Variants in CRADD observed in about 807,000 individuals in gnomAD.
The protein encoded by CRADD is CARD and death domain containing adaptor protein.
CRADD carries 9 observed loss-of-function variants against 15.5 expected under a neutral mutation model. That is an observed-to-expected ratio of 0.58 (90% confidence interval 0.35 to 1.01). The LOEUF is 1.01. Among genes scored for constraint, CRADD ranks in the 50% least tolerant of loss-of-function variants. The pLI, the probability that CRADD is intolerant of heterozygous loss-of-function variation, is 0.02. For synonymous variants in CRADD, 118 were observed against 107.6 expected (o/e 1.10, Z -0.60); for missense variants, 227 against 250.3 (o/e 0.91, Z 0.63).
At chr12:93,796,827 A>G (rs1957424071) in intron 2 of CRADD, among the ~76,000 whole-genome samples, 1 of 152,008 alleles carries the variant, frequency 6.6e-6, no homozygotes, top group Non-Finnish European at 1.5e-5. Flanking sequence ...ACCCTGTGCT[A>G]TCTATTAGAG....
At chr12:93,802,324 C>A (rs979930191) in intron 2 of CRADD, among the ~76,000 whole-genome samples, 1 of 152,164 alleles carries the variant, frequency 6.6e-6, no homozygotes, top group Admixed American at 6.5e-5. Flanking sequence ...AAAAGTGTTT[C>A]CTTTTAACCA....
intron 2 of CRADD, among the ~76,000 whole-genome samples, chr12:93,808,745 G>A (rs1957579217): frequency 6.6e-6 from 1 of 152,098 alleles, no homozygotes; most frequent in Non-Finnish European, 1.5e-5. Flanking sequence ...GTAGCTGCAT[G>A]CACTGAGTAC....
intron 2 of CRADD, among the ~76,000 whole-genome samples, chr12:93,692,902 T>C (rs970799847): frequency 1.1e-4 from 16 of 152,162 alleles, no homozygotes; most frequent in African/African-American, 3.6e-4. Context: ...TAACAACTTA[T>C]AAAGTATATA....
At chr12:93,775,267 C>T (rs759513046) in intron 2 of CRADD, among the ~76,000 whole-genome samples, 3 of 152,112 alleles carry the variant, frequency 2.0e-5, no homozygotes, top group Non-Finnish European at 2.9e-5. Flanking sequence ...CCAATGTGCC[C>T]AGCAATTTTT....
At chr12:93,817,241 G>A (rs1280930523) in intron 2 of CRADD, among the ~76,000 whole-genome samples, 1 of 152,076 alleles carries the variant, frequency 6.6e-6, no homozygotes, top group Non-Finnish European at 1.5e-5. Context: ...TTCCAGCCAG[G>A]TCTCTCCCCA....
chr12:93,749,120 A>G (rs1956802318), intron 2 of CRADD, among the ~76,000 whole-genome samples: 1 of 152,180 alleles, frequency 6.6e-6, no homozygotes, highest in Non-Finnish European at 1.5e-5. Flanking sequence ...AAATGAGGGA[A>G]CTATGTTGGA....
At chr12:93,751,345 G>T (rs1452187323) in intron 2 of CRADD, among the ~76,000 whole-genome samples, 1 of 152,200 alleles carries the variant, frequency 6.6e-6, no homozygotes, top group African/African-American at 2.4e-5. Context: ...TAAACAGGAG[G>T]TTCAGTCAAT....
chr12:93,856,304 T>G (rs1424883246), intron 2 of CRADD, among the ~76,000 whole-genome samples: 1 of 152,244 alleles, frequency 6.6e-6, no homozygotes, highest in Non-Finnish European at 1.5e-5. Flanking sequence ...GATCTAACAG[T>G]TGTCTACCAT....
At chr12:93,772,777 G>A (rs1400240250) in intron 2 of CRADD, among the ~76,000 whole-genome samples, 1 of 152,192 alleles carries the variant, frequency 6.6e-6, no homozygotes, top group Non-Finnish European at 1.5e-5. Context: ...GGACAGCAAA[G>A]CCTGGTTCTG....
At chr12:93,785,065 A>G (rs1487494545) in intron 2 of CRADD, among the ~76,000 whole-genome samples, 1 of 152,154 alleles carries the variant, frequency 6.6e-6, no homozygotes, top group Non-Finnish European at 1.5e-5. Context: ...GAAACATTGG[A>G]ATAAGTACAA....
At chr12:93,696,498 A>G (rs184805112) in intron 2 of CRADD, among the ~76,000 whole-genome samples, 131 of 152,360 alleles carry the variant, frequency 8.6e-4, no homozygotes, top group African/African-American at 3.0e-3. Flanking sequence ...GACAGATACC[A>G]TATAATCTCA....
intron 2 of CRADD, among the ~76,000 whole-genome samples, chr12:93,711,252 A>G (rs1956068626): frequency 6.6e-6 from 1 of 151,910 alleles, no homozygotes; most frequent in Non-Finnish European, 1.5e-5. Context: ...CAAAAAGGAA[A>G]CAAGCCAGTT....
intron 2 of CRADD, among the ~76,000 whole-genome samples, chr12:93,885,441 C>T (rs1042448423): frequency 1.3e-5 from 2 of 151,890 alleles, no homozygotes; most frequent in East Asian, 3.9e-4. Context: ...CTCGTGCCCC[C>T]GCCACCCCCC....
chr12:93,852,643 A>C (rs150869562), downstream of CRADD, among the ~76,000 whole-genome samples: 1 of 152,308 alleles, frequency 6.6e-6, no homozygotes, highest in East Asian at 1.9e-4. Context: ...GCAGCTGCCT[A>C]CCTCCTAACA....
In CRADD at chr12:93,679,598, G is replaced by A. The variant is rs186857057; in HGVS notation, c.298+526G>A. On this transcript the variant is annotated intron_variant, in intron 2 of 2. Coordinates refer to ENST00000332896, the MANE Select transcript of CRADD (RefSeq NM_003805.5). ...AAGTGCAGGGAAGGAAGAATGAACCGTGACTGGGAGGTGAGGGAGGGAGCT... is the reference window on the plus strand; with the variant it reads ...AAGTGCAGGGAAGGAAGAATGAACCATGACTGGGAGGTGAGGGAGGGAGCT... Among the ~76,000 whole-genome samples the A allele has an allele frequency of 1.4e-4, 22 of 152,334 alleles. No homozygotes were observed. The East Asian group carries it at 3.9e-3, about 27-fold the overall frequency.
At chr12:93,867,627 A>G (rs1047706086) in intron 2 of CRADD, among the ~76,000 whole-genome samples, 2 of 152,090 alleles carry the variant, frequency 1.3e-5, no homozygotes, top group South Asian at 2.1e-4. Flanking sequence ...CTAATTTACA[A>G]AGATAAAACT....
chr12:93,883,503 A>C (rs187186417), intron 2 of CRADD, among the ~76,000 whole-genome samples: 2 of 152,336 alleles, frequency 1.3e-5, no homozygotes, highest in African/African-American at 4.8e-5. Context: ...GAAATAGTCC[A>C]TCTCAGACCT....
At chr12:93,750,796 GTTACCTAA>G (rs1349557859) in intron 2 of CRADD, among the ~76,000 whole-genome samples, 1 of 152,124 alleles carries the variant, frequency 6.6e-6, no homozygotes, top group East Asian at 1.9e-4. Flanking sequence ...CATTATCCAA[GTTACCTAA>G]TTATATCATA....
At chr12:93,821,736 T>G (rs1957771438) in intron 2 of CRADD, among the ~76,000 whole-genome samples, 1 of 152,176 alleles carries the variant, frequency 6.6e-6, no homozygotes, top group Non-Finnish European at 1.5e-5. Context: ...GGACAGCTTT[T>G]GAGAGGGGCA....
Sources: gnomAD v4.1 joint callset for allele counts (sites outside exome capture counted in the v4.1 genomes callset) on GRCh38, gnomAD v4.1.1 for gene constraint, MANE v1.5 for transcripts, NCBI Gene and HGNC (gene_info 2026-07-23, HGNC 2026-07-21) for gene names.